UBXN2A: variants seen among roughly 807,000 people sequenced by gnomAD.
The protein encoded by UBXN2A is UBX domain protein 2A, also known as UBX domain-containing protein 2A.
Under a neutral mutation model 28.4 loss-of-function variants are expected in UBXN2A, and 28 were observed. That is an observed-to-expected ratio of 0.99 (90% confidence interval 0.73 to 1.35). The LOEUF (loss-of-function observed/expected upper bound fraction) is 1.35. Among genes scored for constraint, UBXN2A ranks in the 40% most tolerant of loss-of-function variants. The pLI is 0.00. For synonymous variants in UBXN2A, 97 were observed against 103.6 expected, an observed-to-expected ratio of 0.94 and a Z score of 0.39; for missense variants, 253 against 297.9, an observed-to-expected ratio of 0.85 and a Z score of 1.11.
At chr2:23,952,316 TGTA>T (rs1706413104) in intron 1 of UBXN2A, among the ~76,000 whole-genome samples, 1 of 152,114 alleles carries the variant, frequency 6.6e-6, no homozygotes, top group Non-Finnish European at 1.5e-5. Context: ...CAAGCTGGAA[TGTA>T]GTAGAATGAT....
chr2:23,955,085 G>A (rs1450071364), intron 1 of UBXN2A, among the ~76,000 whole-genome samples: 2 of 151,626 alleles, frequency 1.3e-5, no homozygotes, highest in Non-Finnish European at 2.9e-5. Context: ...GGCATGCACC[G>A]CCACGCCCAG....
intron 1 of UBXN2A, among the ~76,000 whole-genome samples, chr2:23,935,333 G>C (rs1298420613): frequency 6.6e-6 from 1 of 152,082 alleles, no homozygotes; most frequent in East Asian, 1.9e-4. Flanking sequence ...TATCTGATAA[G>C]GGATTACTAT....
intron 5 of UBXN2A, 94 bp downstream of exon 5, chr2:23,983,127 C>T (rs1707983207): frequency 2.3e-6 from 3 of 1,281,502 alleles, no homozygotes; most frequent in Non-Finnish European, 3.0e-6. Context: ...ATGAATGGAG[C>T]TTATCATTTC....
At chr2:23,947,346 G>T (rs1706137365) in intron 1 of UBXN2A, among the ~76,000 whole-genome samples, 1 of 152,144 alleles carries the variant, frequency 6.6e-6, no homozygotes, top group Non-Finnish European at 1.5e-5. Flanking sequence ...AAGATGTTCG[G>T]TAAACTGTGA....
intron 1 of UBXN2A, chr2:23,944,153 T>C (rs1705915333): frequency 4.8e-6 from 5 of 1,046,600 alleles, no homozygotes; most frequent in African/African-American, 1.6e-5. Context: ...TTGGAACTCA[T>C]TGGTCCCTGT....
chr2:24,002,472 G>A lies in UBXN2A; in HGVS notation c.*2605G>A, dbSNP rs1194300761. 11 of 151,878 alleles carry A rather than the reference G, an allele frequency of 7.2e-5. No homozygotes were observed. Among genetic ancestry groups the A allele is most frequent in the Admixed American group, 1.3e-4 (2 of 15,244 alleles). The allele number at this position is 151,878 out of a possible 1,614,324, so 9.4% of individuals were successfully genotyped here. A position where few individuals can be genotyped will look rare whatever the true frequency, so the allele number is the denominator to read the frequency against. ...TTCCCCCAGACTAGAGTGCAATGGC[G>A]CGATCTTGGCTCACTGCAACTTGTC... On this transcript the variant is annotated 3_prime_UTR_variant, in exon 7 of 7. Transcript: ENST00000309033.
At chr2:23,944,157 T>A (rs1300360547) in intron 1 of UBXN2A, 1 of 1,082,358 alleles carries the variant, frequency 9.2e-7, no homozygotes, top group Non-Finnish European at 1.4e-6. Context: ...AACTCATTGG[T>A]CCCTGTGTCT....
chr2:23,955,898 G>C (rs1558286405), intron 1 of UBXN2A, among the ~76,000 whole-genome samples: 2 of 152,128 alleles, frequency 1.3e-5, no homozygotes, highest in Non-Finnish European at 2.9e-5. Context: ...TTTATTAAAG[G>C]GTTCATCTCA....
At chr2:23,970,604 A>T (rs986943634) in intron 2 of UBXN2A, among the ~76,000 whole-genome samples, 1 of 152,092 alleles carries the variant, frequency 6.6e-6, no homozygotes, top group Admixed American at 6.6e-5. Flanking sequence ...TGGTTTTGGG[A>T]TGATTCAAGC....
At chr2:23,934,141 G>A (rs1202429550) in intron 1 of UBXN2A, among the ~76,000 whole-genome samples, 7 of 151,586 alleles carry the variant, frequency 4.6e-5, no homozygotes, top group Non-Finnish European at 7.4e-5. Context: ...GCTTGAATGC[G>A]GGAGGCGGAG....
chr2:23,936,557 G>A (rs993417204), upstream of UBXN2A, among the ~76,000 whole-genome samples: 4 of 147,366 alleles, frequency 2.7e-5, no homozygotes, highest in Admixed American at 6.8e-5. Flanking sequence ...AAAAAAAAAA[G>A]AGAGAAAGAA....
intron 6 of UBXN2A, among the ~76,000 whole-genome samples, chr2:23,986,274 C>T (rs1708126693): frequency 6.6e-6 from 1 of 152,008 alleles, no homozygotes; most frequent in Admixed American, 6.6e-5. Context: ...TGCGCCACTG[C>T]ACCCCAGCCT....
rs1197413310 is a variant in UBXN2A, at chr2:23,982,939, G to T, written c.331G>T (p.Val111Leu). 5.6e-6 allele frequency: 9 copies of T among 1,610,608 alleles called. No individual in the cohort carries two copies. Among genetic ancestry groups the T allele is most frequent in the Non-Finnish European group, 7.6e-6 (9 of 1,178,222 alleles). ...ELQGIFDKEE[V>L]DVKVEDKKNE... ...ACAGGGAATTTTTGATAAAGAAGAG[G>T]TGGACGTTAAAGTTGAAGACAAGAA... The change falls in exon 5 of 7, where the codon GTG becomes TTG. Residue 111 changes from valine to leucine, a missense_variant. Val to Leu is a conservative substitution (Grantham distance 32). Transcript: ENST00000309033.
intron 3 of UBXN2A, among the ~76,000 whole-genome samples, chr2:23,974,032 T>TTTTC (rs776262620): frequency 1.3e-5 from 2 of 151,242 alleles, no homozygotes; most frequent in Non-Finnish European, 3.0e-5. Context: ...TTTTTTTTTT[T>TTTTC]GAGACGGAGT....
At chr2:23,958,001 C>T (rs1384961529) in intron 1 of UBXN2A, among the ~76,000 whole-genome samples, 2 of 152,222 alleles carry the variant, frequency 1.3e-5, no homozygotes, top group East Asian at 1.9e-4. Context: ...ATCCTCCTAC[C>T]TTTTCCTCCC....
At chr2:23,958,114 T>C (rs1706723583) in intron 1 of UBXN2A, among the ~76,000 whole-genome samples, 187 bp from the exon 2 acceptor site, 1 of 152,256 alleles carries the variant, frequency 6.6e-6, no homozygotes, top group East Asian at 1.9e-4. Flanking sequence ...AGTCTTTCTT[T>C]TGTCAGATTA....
chr2:23,932,148 T>C (rs1226137060), intron 1 of UBXN2A, among the ~76,000 whole-genome samples: 1 of 151,964 alleles, frequency 6.6e-6, no homozygotes, highest in Non-Finnish European at 1.5e-5. Context: ...TGAAACCCCA[T>C]CTCTACTAAA....
intron 1 of UBXN2A, among the ~76,000 whole-genome samples, chr2:23,942,677 C>T (rs1573531057): frequency 6.6e-6 from 1 of 152,022 alleles, no homozygotes; most frequent in South Asian, 2.1e-4. Context: ...CCTCGGCCTC[C>T]CAGAGTGCTG....
intron 6 of UBXN2A, among the ~76,000 whole-genome samples, chr2:23,986,266 C>T (rs976556651): frequency 2.6e-5 from 4 of 151,852 alleles, no homozygotes; most frequent in Admixed American, 1.3e-4. Flanking sequence ...GCCGAGATTG[C>T]GCCACTGCAC....
Sources: gnomAD v4.1 joint callset for allele counts (sites outside exome capture counted in the v4.1 genomes callset) on GRCh38, gnomAD v4.1.1 for gene constraint, MANE v1.5 for transcripts, NCBI Gene and HGNC (gene_info 2026-07-23, HGNC 2026-07-21) for gene names.